PRIM2: variants seen among roughly 807,000 people sequenced by gnomAD.
PRIM2 encodes the protein DNA primase subunit 2.
PRIM2 carries 39 observed loss-of-function variants against 67.3 expected under a neutral mutation model. The observed-to-expected ratio is 0.58, with a 90% CI of 0.45 to 0.76. The LOEUF (loss-of-function observed/expected upper bound fraction) is 0.76, where lower values mean the gene tolerates loss of function less well. PRIM2 is among the 30% of genes least tolerant of loss of function. The pLI, the probability that PRIM2 is intolerant of heterozygous loss-of-function variation, is 0.00. For missense variants in PRIM2, 398 were observed against 598.7 expected (o/e 0.66, Z 3.50); for synonymous variants, 143 against 198.7 (o/e 0.72, Z 2.36).
At chr6:57,543,576 C>T (rs2127472510) in intron 10 of PRIM2, among the ~76,000 whole-genome samples, 1 of 152,250 alleles carries the variant, frequency 6.6e-6, no homozygotes, top group Non-Finnish European at 1.5e-5. Flanking sequence ...GGTATAATAT[C>T]TCCAGCAATT....
chr6:57,628,696 A>AT (rs1776995618), intron 12 of PRIM2, among the ~76,000 whole-genome samples: 1 of 152,130 alleles, frequency 6.6e-6, no homozygotes, highest in Non-Finnish European at 1.5e-5. Context: ...GTGACCATGT[A>AT]TAACCAATGT....
intron 7 of PRIM2, among the ~76,000 whole-genome samples, chr6:57,492,855 C>T (rs1773929330): frequency 6.6e-6 from 1 of 152,106 alleles, no homozygotes; most frequent in East Asian, 1.9e-4. Flanking sequence ...TAAGAACTGC[C>T]TTTAAGACTT....
At chr6:57,321,918 T>C (rs1473531113) in intron 3 of PRIM2, among the ~76,000 whole-genome samples, 1 of 152,130 alleles carries the variant, frequency 6.6e-6, no homozygotes, top group Admixed American at 6.6e-5. Context: ...GTTTCTGTAG[T>C]GGTGCTTTTA....
intron 2 of PRIM2, among the ~76,000 whole-genome samples, chr6:57,319,668 G>A (rs997764300): frequency 6.6e-6 from 1 of 152,168 alleles, no homozygotes; most frequent in African/African-American, 2.4e-5. Flanking sequence ...TGAGGAGTTA[G>A]CATTGATAGG....
At chr6:57,450,365 G>T (rs1772503764) in intron 7 of PRIM2, among the ~76,000 whole-genome samples, 1 of 152,128 alleles carries the variant, frequency 6.6e-6, no homozygotes, top group South Asian at 2.1e-4. Context: ...ATTTACTAAA[G>T]AATTCATTGC....
At chr6:57,510,123 A>G (rs1774334774) in intron 8 of PRIM2, among the ~76,000 whole-genome samples, 1 of 151,898 alleles carries the variant, frequency 6.6e-6, no homozygotes. Context: ...AATTTGTGAT[A>G]TTGTTATTGT....
intron 10 of PRIM2, among the ~76,000 whole-genome samples, chr6:57,556,424 T>TC (rs1775514873): frequency 1.3e-5 from 2 of 152,148 alleles, no homozygotes; most frequent in Non-Finnish European, 2.9e-5. Context: ...AACAACATGG[T>TC]ACTGGTACAA....
chr6:57,439,665 T>C (rs1772138295), intron 7 of PRIM2, among the ~76,000 whole-genome samples: 1 of 152,058 alleles, frequency 6.6e-6, no homozygotes, highest in Admixed American at 6.6e-5. Context: ...TCCACCCTCC[T>C]TGGCCTCCCG....
At chr6:57,569,900 C>T (rs1387026312) in intron 10 of PRIM2, among the ~76,000 whole-genome samples, 19 of 152,188 alleles carry the variant, frequency 1.2e-4, no homozygotes, top group South Asian at 4.2e-4. Flanking sequence ...CGTGCCACCA[C>T]GCCCAGCTAA....
chr6:57,384,704 T>G (rs1451031949), intron 7 of PRIM2, among the ~76,000 whole-genome samples: 1 of 152,128 alleles, frequency 6.6e-6, no homozygotes, highest in African/African-American at 2.4e-5. Flanking sequence ...AATGGATGAT[T>G]GTTAGGAATG....
chr6:57,618,434 C>T (rs1306818674), intron 12 of PRIM2, among the ~76,000 whole-genome samples: 3 of 152,188 alleles, frequency 2.0e-5, no homozygotes, highest in African/African-American at 7.2e-5. Context: ...CAAGAACAAA[C>T]CAGCAATCCT....
At chr6:57,608,692 A>C (rs1776604888) in intron 12 of PRIM2, among the ~76,000 whole-genome samples, 1 of 151,384 alleles carries the variant, frequency 6.6e-6, no homozygotes. Flanking sequence ...CAGCATTGGC[A>C]ATGGAGTGAG....
chr6:57,571,495 C>T (rs1775861601), intron 10 of PRIM2, among the ~76,000 whole-genome samples: 1 of 151,798 alleles, frequency 6.6e-6, no homozygotes, highest in Non-Finnish European at 1.5e-5. Flanking sequence ...ACTAAAAATA[C>T]AAAAAATTAG....
At chr6:57,581,633 G>A (rs1259002454) in intron 10 of PRIM2, among the ~76,000 whole-genome samples, 13 of 152,112 alleles carry the variant, frequency 8.5e-5, no homozygotes, top group South Asian at 8.3e-4. Flanking sequence ...CCCCCTGACC[G>A]TTTCCTCCAG....
At chr6:57,324,160 T>G (rs1767759351) in intron 3 of PRIM2, 41 bp from the exon 4 acceptor site, 1 of 1,123,914 alleles carries the variant, frequency 8.9e-7, no homozygotes, top group Admixed American at 1.9e-5. Context: ...CCTCTTACCA[T>G]TCTAATGCAT....
At chr6:57,306,996 C>T in the PRIM2 span, among the ~76,000 whole-genome samples, 47 of 152,008 alleles carry the variant, frequency 3.1e-4, no homozygotes, top group African/African-American at 1.1e-3. Context: ...GTCAGGAGTT[C>T]GAGACCAGCC....
intron 10 of PRIM2, among the ~76,000 whole-genome samples, chr6:57,578,165 C>T (rs1469087218): frequency 1.3e-5 from 2 of 152,168 alleles, no homozygotes; most frequent in Non-Finnish European, 2.9e-5. Flanking sequence ...TCGTATCCCT[C>T]TAAGGGCATG....
chr6:57,601,239 A>T lies in PRIM2; in HGVS notation c.1147+20A>T, dbSNP rs1237856936. The T allele has an allele frequency of 1.9e-6, 3 of 1,573,288 alleles. No individual in the cohort carries two copies. The African/African-American group carries it at 4.1e-5, about 22-fold the overall frequency. On this transcript the variant is annotated intron_variant, in intron 11 of 13. Coordinates refer to ENST00000615550, the MANE Select transcript of PRIM2 (RefSeq NM_000947.5). The stretch of plus-strand genomic sequence containing the variant: ...ATCATGGTAAGTGCCTCCACTGGAT[A>T]TGTTGGCCAAGTACAGAAATCCAAG...
At chr6:57,645,363 ACACACAC>A (rs1777317336) in intron 13 of PRIM2, among the ~76,000 whole-genome samples, 1 of 123,760 alleles carries the variant, frequency 8.1e-6, no homozygotes, top group South Asian at 2.5e-4. Flanking sequence ...ACACACACAC[ACACACAC>A]ATTTGTATTC....
Sources: gnomAD v4.1 joint callset for allele counts (sites outside exome capture counted in the v4.1 genomes callset) on GRCh38, gnomAD v4.1.1 for gene constraint, MANE v1.5 for transcripts, NCBI Gene and HGNC (gene_info 2026-07-23, HGNC 2026-07-21) for gene names.